Variants in CCNB3 observed in about 807,000 individuals in gnomAD.
The protein encoded by CCNB3 is G2/mitotic-specific cyclin-B3.
A neutral mutation model predicts 68.0 loss-of-function variants in CCNB3; 12 were observed. The ratio of observed to expected loss-of-function variants is 0.18; its 90% confidence interval spans 0.11 to 0.29. CCNB3 has a LOEUF of 0.29. Ranked by LOEUF, CCNB3 falls within the 10% of genes least tolerant of loss-of-function variation. The pLI is 1.00. For missense variants in CCNB3, 904 were observed against 993.1 expected (o/e 0.91, Z 1.21); for synonymous variants, 354 against 388.9 (o/e 0.91, Z 1.06).
At chrX:50,217,797 T>A (rs1935603382) in intron 1 of CCNB3, among the ~76,000 whole-genome samples, 1 of 111,945 alleles carries the variant, frequency 8.9e-6, no homozygotes. Context: ...TTCAGAAGTT[T>A]TATGATGTGT....
rs782798356 is a variant in CCNB3 at position 50,299,740 on chromosome X, G to GT, written c.335+4748dup. 7.6e-3 allele frequency among the ~76,000 whole-genome samples: 844 copies of GT among 111,010 alleles called. 3 individuals carry two copies. The highest frequency in any genetic ancestry group is 0.014 in the Middle Eastern group (3 of 215). On this transcript the variant is annotated intron_variant, in intron 5 of 12. Transcript: ENST00000376042. ...CTAATGTTGACAGTGGGGTGTTAAAGTCTCCCATTATTATTGTGTGGGAGT... is the reference window on the plus strand; with the variant it reads ...CTAATGTTGACAGTGGGGTGTTAAAGTTCTCCCATTATTATTGTGTGGGAGT...
chrX:50,310,686 T>C lies in CCNB3; in HGVS notation c.2517T>C (p.Thr839=), dbSNP rs782056854. Residue 839 remains threonine, a synonymous_variant, in exon 6 of 13, where the codon ACT becomes ACC. Transcript: ENST00000376042. Reference sequence around the variant, plus strand: ...TGGCCTTGCAGGAGGAGCCCAGCACTGAGAAGGAGGCTGTCCTCAAGGAGC... The same window carrying C: ...TGGCCTTGCAGGAGGAGCCCAGCACCGAGAAGGAGGCTGTCCTCAAGGAGC... The part of the protein sequence containing the change: ...EPLALQEEPS[T]EKEAVLKEPS... 8 of 1,208,911 alleles carry C rather than the reference T, an allele frequency of 6.6e-6. No individual in the cohort carries two copies. Among genetic ancestry groups the C allele is most frequent in the Non-Finnish European group, 8.9e-6 (8 of 894,881 alleles).
chrX:50,288,756 C>CTTTTACTTTTT (rs1936290317), intron 3 of CCNB3, 24 bp from the exon 4 acceptor site: 1 of 1,105,928 alleles, frequency 9.0e-7, no homozygotes, highest in African/African-American at 1.8e-5. Context: ...TGGATATACT[C>CTTTTACTTTTT]ATTTACCTCT....
At chrX:50,207,429 G>A (rs1935387082) in intron 1 of CCNB3, among the ~76,000 whole-genome samples, 1 of 112,156 alleles carries the variant, frequency 8.9e-6, no homozygotes, top group African/African-American at 3.2e-5. Flanking sequence ...ACTTCTTGAA[G>A]AGAATGACTG....
chrX:50,280,289 AAT>A (rs1243512954), intron 1 of CCNB3, among the ~76,000 whole-genome samples: 1 of 99,955 alleles, frequency 1.0e-5, no homozygotes, highest in African/African-American at 3.6e-5. Context: ...ATATGTATAG[AAT>A]ATAGATATAA....
intron 1 of CCNB3, among the ~76,000 whole-genome samples, chrX:50,207,279 A>G (rs1310641859): frequency 8.9e-6 from 1 of 111,782 alleles, no homozygotes; most frequent in Non-Finnish European, 1.9e-5. Context: ...GGTGTTGATT[A>G]TAAGAGTGGA....
intron 1 of CCNB3, among the ~76,000 whole-genome samples, chrX:50,283,176 C>A (rs1023655627): frequency 1.8e-5 from 2 of 111,809 alleles, no homozygotes; most frequent in African/African-American, 6.5e-5. Flanking sequence ...GAAACTGAGG[C>A]TCAGAAATGC....
intron 8 of CCNB3, among the ~76,000 whole-genome samples, chrX:50,317,819 C>T (rs374659984): frequency 1.5e-4 from 17 of 111,018 alleles, no homozygotes; most frequent in East Asian, 5.6e-4. Flanking sequence ...ATCCGCCTGC[C>T]TCAGCCTCCC....
chrX:50,316,385 A>G (rs1440858121), intron 8 of CCNB3, among the ~76,000 whole-genome samples: 2 of 112,358 alleles, frequency 1.8e-5, no homozygotes, highest in Admixed American at 9.4e-5. Context: ...CTATTGAAGG[A>G]CATTTGGGTT....
intron 6 of CCNB3, 25 bp downstream of exon 6, chrX:50,311,521 A>G (rs782812319): frequency 4.1e-5 from 44 of 1,063,982 alleles, no homozygotes; most frequent in Non-Finnish European, 5.6e-5. Context: ...TTCTTCTTAA[A>G]TTAGATAAAT....
At chrX:50,302,614 C>T (rs1327400046) in intron 5 of CCNB3, among the ~76,000 whole-genome samples, 2 of 111,407 alleles carry the variant, frequency 1.8e-5, no homozygotes, top group African/African-American at 6.5e-5. Flanking sequence ...GTTATCACCT[C>T]TCAATACCCC....
intron 12 of CCNB3, 59 bp downstream of exon 12, chrX:50,351,430 A>G (rs782259071): frequency 3.2e-5 from 37 of 1,165,535 alleles, no homozygotes; most frequent in Non-Finnish European, 4.2e-5. Flanking sequence ...AGGCTTTAAA[A>G]TACTAGACCG....
chrX:50,226,776 A>G (rs1935837041), intron 1 of CCNB3, among the ~76,000 whole-genome samples: 1 of 80,726 alleles, frequency 1.2e-5, no homozygotes, highest in East Asian at 3.5e-4. Context: ...CATAGAATAT[A>G]TATATGAATA....
At chrX:50,227,036 T>C (rs1308229464) in intron 1 of CCNB3, among the ~76,000 whole-genome samples, 4 of 77,828 alleles carry the variant, frequency 5.1e-5, no homozygotes, top group Non-Finnish European at 9.1e-5. Flanking sequence ...TACAAATATA[T>C]AGAATATATA....
At chrX:50,302,414 A>G (rs959294441) in intron 5 of CCNB3, among the ~76,000 whole-genome samples, 1 of 112,294 alleles carries the variant, frequency 8.9e-6, no homozygotes, top group East Asian at 2.8e-4. Context: ...GCTCACTGTG[A>G]TCACAGAAGT....
upstream of CCNB3, chrX:50,204,393 C>T (rs1209294541): frequency 9.2e-6 from 1 of 109,015 alleles, no homozygotes; most frequent in Non-Finnish European, 1.9e-5. Context: ...CACGCACAGC[C>T]TTATGAAATG....
chrX:50,203,934 T>C (rs190737840), upstream of CCNB3, among the ~76,000 whole-genome samples: 23 of 111,559 alleles, frequency 2.1e-4, 1 homozygote, highest in South Asian at 8.3e-3. Context: ...CTCTTCCCTT[T>C]TATAATTATG....
intron 3 of CCNB3, among the ~76,000 whole-genome samples, chrX:50,286,857 C>T (rs1045951328): frequency 5.4e-5 from 6 of 111,590 alleles, no homozygotes; most frequent in Admixed American, 9.5e-5. Context: ...CCCGTGTTGG[C>T]CCGAACGGTC....
intron 8 of CCNB3, 126 bp downstream of exon 8, chrX:50,314,074 A>C (rs1921601985): frequency 2.2e-6 from 1 of 459,237 alleles, no homozygotes; most frequent in Admixed American, 3.8e-5. Context: ...CCTGCCCTCA[A>C]GGAGCTCATG....
Sources: gnomAD v4.1 joint callset for allele counts (sites outside exome capture counted in the v4.1 genomes callset) on GRCh38, gnomAD v4.1.1 for gene constraint, MANE v1.5 for transcripts, NCBI Gene and HGNC (gene_info 2026-07-23, HGNC 2026-07-21) for gene names.